Variants in SLC4A7 observed in about 807,000 individuals in gnomAD.
SLC4A7 encodes solute carrier family 4 member 7.
In SLC4A7, 51 loss-of-function variants were observed where a neutral mutation model predicts 137.6. The ratio of observed to expected loss-of-function variants is 0.37; its 90% CI spans 0.30 to 0.47. SLC4A7 has a LOEUF of 0.47. Among genes scored for constraint, SLC4A7 ranks in the 20% least tolerant of loss-of-function variants. The pLI is 1.00. For missense variants in SLC4A7, 1,247 were observed against 1,525.4 expected (o/e 0.82, Z 3.04); for synonymous variants, 542 against 518.6 (o/e 1.05, Z -0.61).
At position 27,415,661 on chromosome 3, in the gene SLC4A7, A is replaced by G. The variant is rs139843880; in HGVS notation, c.1659+2825T>C. ...GTTATTTTGACATTTTTTAAGCCAA[A>G]CTTCTTTCTAAAATTACCAAACAAT... On this transcript the variant is annotated intron_variant, in intron 11 of 25. Transcript: ENST00000454389. 1.8e-3 allele frequency among the ~76,000 whole-genome samples: 279 copies of G among 152,232 alleles called. 1 individual carries two copies. The highest frequency in any genetic ancestry group is 6.4e-3 in the African/African-American group (264 of 41,538).
intron 7 of SLC4A7, among the ~76,000 whole-genome samples, chr3:27,428,811 C>T (rs2055934937): frequency 6.6e-6 from 1 of 151,954 alleles, no homozygotes; most frequent in Admixed American, 6.6e-5. Flanking sequence ...TGATTAAAAC[C>T]AATGGTTAGC....
At chr3:27,468,054 G>C (rs2059083136) in intron 1 of SLC4A7, among the ~76,000 whole-genome samples, 1 of 152,046 alleles carries the variant, frequency 6.6e-6, no homozygotes, top group African/African-American at 2.4e-5. Context: ...CTCCCAAGTA[G>C]CTGGGATTAC....
chr3:27,382,193 C>T (rs2050491651), intron 24 of SLC4A7, among the ~76,000 whole-genome samples: 1 of 151,980 alleles, frequency 6.6e-6, no homozygotes, highest in South Asian at 2.1e-4. Flanking sequence ...GATCTTGGCT[C>T]ACTGCAATCT....
At chr3:27,437,564 C>A in intron 3 of SLC4A7, 38 bp from the exon 4 acceptor site, 1 of 1,406,468 alleles carries the variant, frequency 7.1e-7, no homozygotes, top group Non-Finnish European at 9.5e-7. Flanking sequence ...TCAAATTTTT[C>A]CTCAAGTCAT....
At position 27,403,333 on chromosome 3, in the gene SLC4A7, A is replaced by G; in HGVS notation, c.2127T>C (p.Thr709=). Residue 709 remains threonine (T), a synonymous_variant, in exon 15 of 26, where the codon ACT becomes ACC. Transcript: ENST00000454389. ...CAACCAAAACAATGCACAAAAAAGA[A>G]GTCCACAGACCAATACTGGTTCTTA... ...LSLRTSIGLW[T]SFLCIVLVAT... is the part of the protein sequence containing the mutation. The G allele has an allele frequency of 6.2e-7, 1 of 1,612,668 alleles. No individual in the cohort carries two copies. The highest frequency in any genetic ancestry group is 1.1e-5 in the South Asian group (1 of 90,988).
intron 3 of SLC4A7, among the ~76,000 whole-genome samples, chr3:27,447,362 T>A (rs1434112897): frequency 6.6e-6 from 1 of 152,192 alleles, no homozygotes. Flanking sequence ...AGACACAGAA[T>A]TTGCACTTTA....
intron 6 of SLC4A7, 109 bp downstream of exon 6, chr3:27,433,807 G>A (rs950877522): frequency 1.2e-6 from 1 of 848,994 alleles, no homozygotes; most frequent in African/African-American, 1.7e-5. Flanking sequence ...AAGTAATTCA[G>A]AGGTAGGTAT....
intron 25 of SLC4A7, 64 bp downstream of exon 25, chr3:27,379,185 T>G: frequency 1.3e-6 from 1 of 774,700 alleles, no homozygotes; most frequent in Non-Finnish European, 2.2e-6. Context: ...AAGAAAGGAA[T>G]GAAGCTATCA....
chr3:27,400,147 T>C (rs1456068607), intron 16 of SLC4A7, among the ~76,000 whole-genome samples: 1 of 152,194 alleles, frequency 6.6e-6, no homozygotes, highest in Non-Finnish European at 1.5e-5. Context: ...CTTGGAAATG[T>C]CAAAAATAAA....
At chr3:27,474,198 G>A (rs971485979) in intron 1 of SLC4A7, among the ~76,000 whole-genome samples, 1 of 152,044 alleles carries the variant, frequency 6.6e-6, no homozygotes, top group African/African-American at 2.4e-5. Context: ...GCAGTCTTAG[G>A]AGGTAAAATT....
intron 25 of SLC4A7, among the ~76,000 whole-genome samples, chr3:27,378,221 G>C (rs1017802548): frequency 6.6e-6 from 1 of 152,086 alleles, no homozygotes; most frequent in Non-Finnish European, 1.5e-5. Context: ...AGAGTAGGTA[G>C]GAAAAAGGTT....
At chr3:27,420,621 A>G (rs2054871042) in intron 10 of SLC4A7, 79 bp downstream of exon 10, 3 of 858,910 alleles carry the variant, frequency 3.5e-6, no homozygotes, top group East Asian at 2.7e-5. Flanking sequence ...TATGAAAGAA[A>G]AGAGAACTGT....
At position 27,461,583 on chromosome 3, in the gene SLC4A7, G is replaced by A. The variant is rs565782165; in HGVS notation, c.61-9085C>T. The stretch of plus-strand genomic sequence containing the variant: ...GGATAGGATTTTGAGACTAGCCTAG[G>A]CAACACAGAAAGACCTCGTTTACAA... On this transcript the variant is annotated intron_variant, in intron 1 of 25. Coordinates refer to ENST00000454389, the MANE Select transcript of SLC4A7 (RefSeq NM_001321103.2). 1.9e-4 allele frequency among the ~76,000 whole-genome samples: 25 copies of A among 134,950 alleles called. No individual in the cohort carries two copies. The South Asian group carries it at 5.4e-3, about 29-fold the overall frequency. The allele number at this position is 134,950 out of a possible 152,430, so 88.5% of individuals were successfully genotyped here.
rs563711139 is a variant in SLC4A7 at position 27,377,959 on chromosome 3, A to G, written c.3699-1114T>C. Among the ~76,000 whole-genome samples, 18 of 152,358 alleles carry G rather than the reference A, an allele frequency of 1.2e-4. No homozygotes were observed. In the South Asian group the frequency reaches 3.7e-3, roughly 32 times the overall value. On this transcript the variant is annotated intron_variant, in intron 25 of 25. Transcript: ENST00000454389. ...GGCAACCCAAACAAAAGGCAGAAGC[A>G]TAAAAGATGTTAGTTATTATTGTAA... is the stretch of plus-strand genomic sequence containing the variant.
intron 7 of SLC4A7, among the ~76,000 whole-genome samples, chr3:27,427,435 C>T (rs1316538444): frequency 6.6e-6 from 1 of 151,938 alleles, no homozygotes; most frequent in African/African-American, 2.4e-5. Flanking sequence ...CTACCATGCC[C>T]AGCCACAAGT....
chr3:27,445,005 T>A (rs779106337), intron 3 of SLC4A7, among the ~76,000 whole-genome samples: 1 of 152,228 alleles, frequency 6.6e-6, no homozygotes, highest in Non-Finnish European at 1.5e-5. Context: ...CAGTCTTTGT[T>A]GTAAAACTAA....
At chr3:27,403,515 A>AAAAT in intron 14 of SLC4A7, 131 bp from the exon 15 acceptor site, 1 of 544,274 alleles carries the variant, frequency 1.8e-6, no homozygotes, top group Non-Finnish European at 3.2e-6. Flanking sequence ...ACAGAATGAC[A>AAAAT]AAATAACATC....
intron 11 of SLC4A7, 48 bp from the exon 12 acceptor site, chr3:27,411,796 C>G: frequency 1.1e-6 from 1 of 945,636 alleles, no homozygotes; most frequent in Non-Finnish European, 1.5e-6. Context: ...TTTAAGAAAA[C>G]TTGAGATGGC....
chr3:27,440,355 G>A (rs112782217), intron 3 of SLC4A7, among the ~76,000 whole-genome samples: 1,693 of 152,056 alleles, frequency 0.011, 10 homozygotes, highest in South Asian at 0.02. Context: ...CAGTCTGATC[G>A]TCTGACCTCC....
Sources: gnomAD v4.1 joint callset for allele counts (sites outside exome capture counted in the v4.1 genomes callset) on GRCh38, gnomAD v4.1.1 for gene constraint, MANE v1.5 for transcripts, NCBI Gene and HGNC (gene_info 2026-07-23, HGNC 2026-07-21) for gene names.